Variants in TEX19 observed in about 807,000 individuals in gnomAD.
TEX19 encodes the protein testis expressed 19.
For missense variants in TEX19, 184 were observed against 194.4 expected (o/e 0.95, Z 0.32); for synonymous variants, 77 against 73.9 (o/e 1.04, Z -0.21).
At chr17:82,361,688 G>C (rs1391452533) in intron 1 of TEX19, 192 bp from the exon 2 acceptor site, 6 of 985,244 alleles carry the variant, frequency 6.1e-6, no homozygotes, top group Non-Finnish European at 7.2e-6. Flanking sequence ...GAGGTGTAGG[G>C]GGTGGCTGAT....
At chr17:82,359,652 G>A (rs55793426) in intron 1 of TEX19, among the ~76,000 whole-genome samples, 1 of 70,726 alleles carries the variant, frequency 1.4e-5, no homozygotes, top group Non-Finnish European at 2.7e-5. Context: ...CTTCCCTCAG[G>A]TTCCCCCAGT....
At chr17:82,361,657 TG>T in intron 1 of TEX19, 1 of 985,376 alleles carries the variant, frequency 1.0e-6, no homozygotes, top group Non-Finnish European at 1.2e-6. Context: ...CAGGTGAAGC[TG>T]ATGGGCTGTT....
chr17:82,359,454 CA>C (rs2052356459), intron 1 of TEX19, among the ~76,000 whole-genome samples, 169 bp downstream of exon 1: 1 of 146,342 alleles, frequency 6.8e-6, no homozygotes, highest in African/African-American at 2.6e-5. Context: ...CAAGTTCCCT[CA>C]AATTTCCCTC....
intron 1 of TEX19, among the ~76,000 whole-genome samples, chr17:82,360,643 A>C (rs1235213419): frequency 8.5e-6 from 1 of 117,242 alleles, no homozygotes; most frequent in Non-Finnish European, 1.7e-5. Flanking sequence ...AGGTTCCCCC[A>C]GTTTCCCTCA....
chr17:82,359,710 C>A (rs1477955244), intron 1 of TEX19, among the ~76,000 whole-genome samples: 2 of 148,962 alleles, frequency 1.3e-5, no homozygotes, highest in African/African-American at 2.5e-5. Flanking sequence ...CAGTTTCCCC[C>A]AGTTTCCCTC....
Position 82,362,515 on chromosome 17 carries a change from C to G in TEX19, c.365C>G (p.Thr122Ser), listed in dbSNP as rs2052404109. ...DAGLDPHFVPTELWPQEAVPL... is the reference protein window; with the variant it reads ...DAGLDPHFVPSELWPQEAVPL... ...GGTCTGGACCCCCACTTTGTCCCCA[C>G]TGAACTATGGCCTCAGGAGGCTGTG... Residue 122 changes from threonine to serine, a missense_variant, in exon 2 of 2, where the codon ACT (threonine) becomes AGT (serine). Thr to Ser is a moderately conservative substitution (Grantham distance 58). Transcript: ENST00000333437. The surrounding 1 kb of genome is among the most constrained non-coding windows in gnomAD (Gnocchi z 5.5). 1 of 1,612,816 alleles carries G rather than the reference C, an allele frequency of 6.2e-7. No homozygotes were observed. Among genetic ancestry groups the G allele is most frequent in the African/African-American group, 1.3e-5 (1 of 74,934 alleles).
In TEX19 at chr17:82,361,990, A is replaced by G. The variant is rs2052398503; in HGVS notation, c.-161A>G. ...GGACCCAGGTCATCCACCCCACCCC[A>G]AATCCCTGGATAGGAAACCCCTTTC... On this transcript the variant is annotated 5_prime_UTR_variant, in exon 2 of 2. Transcript: ENST00000333437. The G allele has an allele frequency of 9.8e-7, 1 of 1,018,202 alleles. No individual in the cohort carries two copies. Among genetic ancestry groups the G allele is most frequent in the Admixed American group, 2.8e-5 (1 of 36,200 alleles). The allele number at this position is 1,018,202 out of a possible 1,614,324, so 63.1% of individuals were successfully genotyped here.
rs199751552 is a variant in TEX19, at chr17:82,362,524, G to A, written c.374G>A (p.Trp125Ter). The A allele has an allele frequency of 6.5e-5, 105 of 1,612,860 alleles. No homozygotes were observed. Among genetic ancestry groups the A allele is most frequent in the Admixed American group, 2.3e-4 (14 of 60,010 alleles). The change falls in exon 2 of 2, where the codon TGG becomes TAG. Residue 125 changes from tryptophan (W) to a stop codon, truncating the protein, a stop_gained. Transcript: ENST00000333437. LOFTEE classifies it low-confidence loss of function (END_TRUNC). This position sits in a 1 kb window ranked among gnomAD's most constrained non-coding sequence, Gnocchi z 5.5. ...CCCCACTTTGTCCCCACTGAACTAT[G>A]GCCTCAGGAGGCTGTGCCCCTGGGC... The part of the protein sequence containing the change: ...LDPHFVPTEL[W>*]PQEAVPLGLG...
chr17:82,361,055 T>G (rs2052386998), intron 1 of TEX19, among the ~76,000 whole-genome samples: 1 of 146,582 alleles, frequency 6.8e-6, no homozygotes, highest in South Asian at 2.2e-4. Context: ...CCAGTTTCCC[T>G]CAGGTTCCCC....
Position 82,362,827 on chromosome 17 carries a change from C to T in TEX19, c.*182C>T. ...ATGACCCCAGACAGGGCCCTGAGGA[C>T]CCCAGGGCAGCACTGGAAATTGCTG... is the stretch of plus-strand genomic sequence containing the variant. On this transcript the variant is annotated 3_prime_UTR_variant, in exon 2 of 2. Transcript: ENST00000333437. This position sits in a 1 kb window ranked among gnomAD's most constrained non-coding sequence, Gnocchi z 5.5. The T allele has an allele frequency of 1.4e-6, 1 of 716,432 alleles. No individual in the cohort carries two copies. The highest frequency in any genetic ancestry group is 3.0e-5 in the South Asian group (1 of 33,212). The allele number at this position is 716,432 out of a possible 1,614,324, so 44.4% of individuals were successfully genotyped here.
intron 1 of TEX19, 28 bp from the exon 2 acceptor site, chr17:82,361,852 C>T: frequency 1.2e-6 from 1 of 864,674 alleles, no homozygotes. Flanking sequence ...GCTGGGGGTG[C>T]CTAACCTCCC....
intron 1 of TEX19, among the ~76,000 whole-genome samples, chr17:82,361,460 G>A (rs1457408489): frequency 7.8e-6 from 1 of 127,614 alleles, no homozygotes; most frequent in African/African-American, 3.1e-5. Context: ...TTTCCCTCAG[G>A]TTCCCTCAGT....
intron 1 of TEX19, among the ~76,000 whole-genome samples, chr17:82,359,967 G>A (rs1441414524): frequency 6.7e-5 from 8 of 118,666 alleles, no homozygotes; most frequent in African/African-American, 2.8e-4. Context: ...GTTTCCCTCA[G>A]GTTCCCTCAG....
chr17:82,361,820 A>G (rs2052397136), intron 1 of TEX19, 60 bp from the exon 2 acceptor site: 1 of 1,095,838 alleles, frequency 9.1e-7, no homozygotes, highest in South Asian at 2.5e-5. Context: ...GCTGGTCCCC[A>G]CAGTTTGCCC....
rs1567854437 is a variant in TEX19 at position 82,363,134 on chromosome 17, G to GA, written c.*489_*490insA. 6.0e-6 allele frequency: 1 copy of GA among 167,546 alleles called. No homozygotes were observed. The highest frequency in any genetic ancestry group is 2.4e-5 in the African/African-American group (1 of 41,472). The allele number at this position is 167,546 out of a possible 1,614,324, so 10.4% of individuals were successfully genotyped here. Reference sequence around the variant, plus strand: ...ACACAGAGCAGGGGTCCTGAGGAAAGCCTGGCTGTTGCAGGAGCCTCGGCC... The same window carrying GA: ...ACACAGAGCAGGGGTCCTGAGGAAAGACCTGGCTGTTGCAGGAGCCTCGGCC... On this transcript the variant is annotated 3_prime_UTR_variant, in exon 2 of 2. Transcript: ENST00000333437.
chr17:82,359,781 C>A (rs1351775746), intron 1 of TEX19, among the ~76,000 whole-genome samples: 1 of 124,604 alleles, frequency 8.0e-6, no homozygotes, highest in Non-Finnish European at 1.7e-5. Context: ...CAGGTTCCCT[C>A]AGTTTCCCTC....
At position 82,362,729 on chromosome 17, in the gene TEX19, G is replaced by A. The variant is rs775712977; in HGVS notation, c.*84G>A. The A allele has an allele frequency of 6.1e-6, 9 of 1,482,518 alleles. No individual in the cohort carries two copies. The highest frequency in any genetic ancestry group is 2.8e-5 in the African/African-American group (2 of 70,802). 91.8% of individuals were successfully genotyped at this position (1,482,518 alleles called of 1,614,324 possible). A position where few individuals can be genotyped will look rare whatever the true frequency, so the allele number is the denominator to read the frequency against. ...TTACCTGGGCAGTGGACCCTGCCGA[G>A]GCTGAGGCCTAGTTACTGGCCCTGC... On this transcript the variant is annotated 3_prime_UTR_variant, in exon 2 of 2. Transcript: ENST00000333437. The surrounding 1 kb of genome is among the most constrained non-coding windows in gnomAD (Gnocchi z 5.5).
At position 82,362,477 on chromosome 17, in the gene TEX19, G is replaced by A; in HGVS notation, c.327G>A (p.Gly109=). 1 of 1,612,908 alleles carries A rather than the reference G, an allele frequency of 6.2e-7. No individual in the cohort carries two copies. The change falls in exon 2 of 2, where the codon GGG becomes GGA. Residue 109 remains glycine, a synonymous_variant. Coordinates refer to ENST00000333437, the MANE Select transcript of TEX19 (RefSeq NM_207459.4). This position sits in a 1 kb window ranked among gnomAD's most constrained non-coding sequence, Gnocchi z 5.5. ...GGACCCTGGCAGCAGCCCCAGAAGG[G>A]TTGGAAGATGCAGGTCTGGACCCCC... ...GPGTLAAAPE[G]LEDAGLDPHF... is the part of the protein sequence containing the mutation.
Position 82,362,361 on chromosome 17 carries a change from T to G in TEX19, c.211T>G (p.Ser71Ala). 1.9e-6 allele frequency: 3 copies of G among 1,613,176 alleles called. No individual in the cohort carries two copies. Among genetic ancestry groups the G allele is most frequent in the Non-Finnish European group, 2.5e-6 (3 of 1,179,926 alleles). The part of the protein sequence containing the change: ...PELMEHTEAE[S>A]EQEGSSGMEL... The stretch of plus-strand genomic sequence containing the variant: ...GCTGATGGAGCACACTGAGGCAGAG[T>G]CAGAGCAGGAGGGGTCCTCAGGGAT... Residue 71 changes from serine to alanine, a missense_variant, in exon 2 of 2, where the codon TCA (serine) becomes GCA (alanine). Transcript: ENST00000333437. The surrounding 1 kb of genome is among the most constrained non-coding windows in gnomAD (Gnocchi z 5.5).
Sources: allele counts gnomAD v4.1 joint callset (sites outside exome capture counted in the v4.1 genomes callset), GRCh38; gene constraint gnomAD v4.1.1; non-coding constraint Gnocchi (gnomAD v3.1); transcripts MANE v1.5; gene names NCBI Gene and HGNC (gene_info 2026-07-23, HGNC 2026-07-21).